MYCBP2: variants seen among roughly 807,000 people sequenced by gnomAD.
MYCBP2 encodes the protein MYC binding protein 2.
In MYCBP2, 120 loss-of-function variants were observed where a neutral mutation model predicts 525.3. That is an observed-to-expected ratio of 0.23 (90% CI 0.20 to 0.27). The LOEUF is 0.27. MYCBP2 is among the 10% of genes least tolerant of loss of function. The pLI is 1.00. For missense variants in MYCBP2, 4,149 were observed against 5,657.1 expected (o/e 0.73, Z 8.55); for synonymous variants, 1,894 against 1,955.8 (o/e 0.97, Z 0.83).
intron 8 of MYCBP2, among the ~76,000 whole-genome samples, chr13:77,266,580 A>G (rs1186058772): frequency 6.6e-6 from 1 of 151,912 alleles, no homozygotes; most frequent in Non-Finnish European, 1.5e-5. Flanking sequence ...AATTATTTCA[A>G]TTCATTCTTT....
At chr13:77,259,002 C>A (rs1318795135) in intron 13 of MYCBP2, among the ~76,000 whole-genome samples, 1 of 152,160 alleles carries the variant, frequency 6.6e-6, no homozygotes, top group Non-Finnish European at 1.5e-5. Context: ...CGCCTGTATT[C>A]CCAGCACTTG....
chr13:77,241,438 A>C (rs986197697), intron 17 of MYCBP2, among the ~76,000 whole-genome samples: 2 of 150,858 alleles, frequency 1.3e-5, no homozygotes, highest in Non-Finnish European at 2.9e-5. Context: ...CATGTCGCTC[A>C]ACCTAATATT....
At chr13:77,243,723 T>C in intron 16 of MYCBP2, 83 bp downstream of exon 16, 2 of 1,190,812 alleles carry the variant, frequency 1.7e-6, no homozygotes, top group South Asian at 1.9e-5. Flanking sequence ...TATTAACATA[T>C]ATCTAAAAGA....
At chr13:77,138,600 A>G (rs867236567) in intron 52 of MYCBP2, among the ~76,000 whole-genome samples, 18 of 152,216 alleles carry the variant, frequency 1.2e-4, no homozygotes, top group South Asian at 2.1e-4. Context: ...ATTATACTTC[A>G]TGAAGTAGCA....
intron 49 of MYCBP2, chr13:77,144,133 G>C (rs2055138637): frequency 3.3e-6 from 1 of 299,930 alleles, no homozygotes. Flanking sequence ...ACAGTCAGGA[G>C]AGGCACAGAC....
intron 5 of MYCBP2, among the ~76,000 whole-genome samples, chr13:77,272,642 G>A (rs1025662166): frequency 6.6e-6 from 1 of 152,038 alleles, no homozygotes; most frequent in African/African-American, 2.4e-5. Context: ...CCATAAAAAG[G>A]GACAAAAGGA....
chr13:77,147,638 T>C (rs951923472), intron 47 of MYCBP2, among the ~76,000 whole-genome samples: 13 of 151,934 alleles, frequency 8.6e-5, no homozygotes, highest in African/African-American at 3.1e-4. Flanking sequence ...AAGTTACACA[T>C]GAGAAAAACG....
At chr13:77,186,091 A>T (rs1363743093) in intron 30 of MYCBP2, 28 bp from the exon 31 acceptor site, 1 of 1,478,908 alleles carries the variant, frequency 6.8e-7, no homozygotes, top group African/African-American at 1.4e-5. Context: ...AAAACAGACA[A>T]CAATTAATTC....
chr13:77,066,921 T>C (rs1449642233), intron 71 of MYCBP2, among the ~76,000 whole-genome samples: 1 of 152,210 alleles, frequency 6.6e-6, no homozygotes, highest in Non-Finnish European at 1.5e-5. Flanking sequence ...TTTATTATTC[T>C]TATCAGTTGT....
intron 24 of MYCBP2, 119 bp from the exon 25 acceptor site, chr13:77,205,717 C>T (rs2063248804): frequency 1.3e-6 from 1 of 784,546 alleles, no homozygotes; most frequent in Non-Finnish European, 1.9e-6. Flanking sequence ...TTACTCCAAG[C>T]TTTAAACATC....
At chr13:77,210,104 G>T (rs2154280103) in intron 23 of MYCBP2, among the ~76,000 whole-genome samples, 1 of 152,276 alleles carries the variant, frequency 6.6e-6, no homozygotes, top group East Asian at 1.9e-4. Context: ...CTGTGGTGAT[G>T]GCAGGGTACA....
chr13:77,322,220 T>C (rs1261833160), intron 1 of MYCBP2, among the ~76,000 whole-genome samples: 1 of 152,196 alleles, frequency 6.6e-6, no homozygotes, highest in Non-Finnish European at 1.5e-5. Context: ...CCCATGCATC[T>C]GAAGGATGGA....
At chr13:77,111,378 A>G (rs2154145183) in intron 55 of MYCBP2, among the ~76,000 whole-genome samples, 1 of 151,762 alleles carries the variant, frequency 6.6e-6, no homozygotes, top group East Asian at 1.9e-4. Context: ...TTCAAAACAG[A>G]GCATAAAAGT....
At chr13:77,133,645 AG>A (rs2154175458) in intron 52 of MYCBP2, among the ~76,000 whole-genome samples, 1 of 152,318 alleles carries the variant, frequency 6.6e-6, no homozygotes, top group Admixed American at 6.5e-5. Context: ...GAGAAGGAAG[AG>A]AGAAAGCTAT....
chr13:77,081,732 A>G lies in MYCBP2; in HGVS notation c.11194-81T>C. 4 of 1,533,008 alleles carry G rather than the reference A, an allele frequency of 2.6e-6. No homozygotes were observed. The highest frequency in any genetic ancestry group is 3.5e-6 in the Non-Finnish European group (4 of 1,135,990). 95.0% of individuals were successfully genotyped at this position (1,533,008 alleles called of 1,614,324 possible). A position where few individuals can be genotyped will look rare whatever the true frequency, so the allele number is the denominator to read the frequency against. ...ATAAAACAAACAGGTATAAGATAAA[A>G]CATAATGGAAGACAGGATCAAATTG... On this transcript the variant is annotated intron_variant, in intron 64 of 82. Coordinates refer to ENST00000544440, the MANE Select transcript of MYCBP2 (RefSeq NM_015057.5). The surrounding 1 kb of genome is among the most constrained non-coding windows in gnomAD (Gnocchi z 4.6).
chr13:77,326,855 T>A lies in MYCBP2; in HGVS notation c.-80A>T. ...CACGCGCGCGCACACACAGCCCTTTTCCAACGACGACGGCTCCGGCGGCGG... is the reference window on the plus strand; with the variant it reads ...CACGCGCGCGCACACACAGCCCTTTACCAACGACGACGGCTCCGGCGGCGG... On this transcript the variant is annotated 5_prime_UTR_variant, in exon 1 of 83. Transcript: ENST00000544440. The surrounding 1 kb of genome is among the most constrained non-coding windows in gnomAD (Gnocchi z 4.2). The A allele has an allele frequency of 7.7e-7, 1 of 1,302,506 alleles. No individual in the cohort carries two copies. Among genetic ancestry groups the A allele is most frequent in the Non-Finnish European group, 9.8e-7 (1 of 1,021,978 alleles). 80.7% of individuals were successfully genotyped at this position (1,302,506 alleles called of 1,614,324 possible).
At chr13:77,060,829 T>C (rs146949484) in intron 76 of MYCBP2, among the ~76,000 whole-genome samples, 2 of 152,268 alleles carry the variant, frequency 1.3e-5, no homozygotes, top group African/African-American at 4.8e-5. Flanking sequence ...GGGCAACAAC[T>C]AGCAGAACTA....
Position 77,067,971 on chromosome 13 carries a change from A to G in MYCBP2, c.12172-107T>C, listed in dbSNP as rs1566365149. 5.2e-6 allele frequency: 6 copies of G among 1,149,784 alleles called. No homozygotes were observed. In the East Asian group the frequency reaches 7.8e-5, roughly 15 times the overall value. 71.2% of individuals were successfully genotyped at this position (1,149,784 alleles called of 1,614,324 possible). ...AAGACAGGGTCTTGCTTTGTTGCCC[A>G]GGTTGGAGTGCAGTGGAGCAACCAC... On this transcript the variant is annotated intron_variant, in intron 70 of 82. Transcript: ENST00000544440.
chr13:77,303,600 A>C lies in MYCBP2; in HGVS notation c.303-6926T>G, dbSNP rs548889853. On this transcript the variant is annotated intron_variant, in intron 1 of 82. Coordinates refer to ENST00000544440, the MANE Select transcript of MYCBP2 (RefSeq NM_015057.5). ...ATTCCCAAATGTTTGGCAATCAAAAAAACAAGACTTCTAAATAAACTATGG... is the reference window on the plus strand; with the variant it reads ...ATTCCCAAATGTTTGGCAATCAAAACAACAAGACTTCTAAATAAACTATGG... Among the ~76,000 whole-genome samples, 93 of 152,362 alleles carry C rather than the reference A, an allele frequency of 6.1e-4. No homozygotes were observed. In the South Asian group the frequency reaches 9.1e-3, roughly 15 times the overall value.
Sources: gnomAD v4.1 joint callset for allele counts (sites outside exome capture counted in the v4.1 genomes callset) on GRCh38, gnomAD v4.1.1 for gene constraint, Gnocchi (gnomAD v3.1) non-coding constraint, MANE v1.5 for transcripts, NCBI Gene and HGNC (gene_info 2026-07-23, HGNC 2026-07-21) for gene names.